Variants in EML1 observed in about 807,000 individuals in gnomAD.
EML1 encodes the protein EMAP like 1.
Under a neutral mutation model 110.4 loss-of-function variants are expected in EML1, and 27 were observed. That is an observed-to-expected ratio of 0.24 (90% CI 0.18 to 0.34). EML1 has a LOEUF of 0.34. Among genes scored for constraint, EML1 ranks in the 10% least tolerant of loss-of-function variants. The probability of loss-of-function intolerance (pLI) is 1.00; values close to 1 mark genes in which losing one functional copy is unlikely to be tolerated. For missense variants in EML1, 741 were observed against 1,030.9 expected, an observed-to-expected ratio of 0.72 and a Z score of 3.85; for synonymous variants, 344 against 385.8, an observed-to-expected ratio of 0.89 and a Z score of 1.27.
chr14:99,741,078 G>A (rs1160674288), intron 1 of EML1, among the ~76,000 whole-genome samples: 1 of 152,226 alleles, frequency 6.6e-6, no homozygotes, highest in East Asian at 1.9e-4. Context: ...GTCCATCAGA[G>A]ACCAGGGTTC....
upstream of EML1, among the ~76,000 whole-genome samples, chr14:99,771,270 T>C (rs113152003): frequency 9.5e-4 from 144 of 152,322 alleles, 1 homozygote; most frequent in African/African-American, 3.1e-3. Context: ...GGGCAACCAT[T>C]AATCTACTTC....
In EML1 at chr14:99,922,464, A is replaced by T. The variant is rs557738886; in HGVS notation, c.1909+1587A>T. 2.7e-3 allele frequency among the ~76,000 whole-genome samples: 416 copies of T among 152,148 alleles called. 3 individuals are homozygous for T. The highest frequency in any genetic ancestry group is 9.5e-3 in the African/African-American group (396 of 41,500). On this transcript the variant is annotated intron_variant, in intron 17 of 21. Transcript: ENST00000262233. ...GTTTTTTATTATTATTAATAATGCT[A>T]TGAACATTCATGTATATGCCTTTTT...
At chr14:99,843,023 G>A (rs1026739810) in intron 1 of EML1, among the ~76,000 whole-genome samples, 23 of 152,172 alleles carry the variant, frequency 1.5e-4, no homozygotes, top group Non-Finnish European at 3.2e-4. Flanking sequence ...AGACGCTGAG[G>A]CAGGATAATC....
chr14:99,854,539 G>C (rs145146355), intron 2 of EML1, among the ~76,000 whole-genome samples: 148 of 152,228 alleles, frequency 9.7e-4, no homozygotes, highest in Non-Finnish European at 1.7e-3. Flanking sequence ...AGTTACCCAG[G>C]TCTTCTTTCC....
upstream of EML1, among the ~76,000 whole-genome samples, chr14:99,770,017 T>C (rs1465468213): frequency 6.6e-6 from 1 of 152,184 alleles, no homozygotes; most frequent in Non-Finnish European, 1.5e-5. Context: ...TTTACTTTGC[T>C]CACTTTGCTT....
At chr14:99,929,007 G>A (rs1375930319) in intron 17 of EML1, among the ~76,000 whole-genome samples, 1 of 152,208 alleles carries the variant, frequency 6.6e-6, no homozygotes, top group Non-Finnish European at 1.5e-5. Flanking sequence ...GAAGGCACGA[G>A]GGCCTCATCT....
chr14:99,873,113 G>A (rs2059232355), intron 3 of EML1, among the ~76,000 whole-genome samples: 1 of 152,182 alleles, frequency 6.6e-6, no homozygotes, highest in South Asian at 2.1e-4. Flanking sequence ...GTGGGGATGC[G>A]GAGGCTGACA....
At chr14:99,815,755 G>A (rs1387492730) in intron 1 of EML1, among the ~76,000 whole-genome samples, 1 of 152,082 alleles carries the variant, frequency 6.6e-6, no homozygotes, top group African/African-American at 2.4e-5. Context: ...TGAGCTAAGG[G>A]GATTTTTAGG....
chr14:99,917,984 A>G, intron 16 of EML1, 135 bp downstream of exon 16: 1 of 855,388 alleles, frequency 1.2e-6, no homozygotes, highest in Non-Finnish European at 1.8e-6. Flanking sequence ...ACCAAGAATT[A>G]AGTTAAAAGC....
At chr14:99,901,942 T>C (rs1241946723) in intron 9 of EML1, among the ~76,000 whole-genome samples, 1 of 152,126 alleles carries the variant, frequency 6.6e-6, no homozygotes, top group East Asian at 1.9e-4. Context: ...TCCCCTCCCT[T>C]TTATAAGAGA....
In EML1 at chr14:99,910,232, C is replaced by T; in HGVS notation, c.1240-10C>T. The T allele has an allele frequency of 6.3e-7, 1 of 1,586,298 alleles. No individual in the cohort carries two copies. The highest frequency in any genetic ancestry group is 8.6e-7 in the Non-Finnish European group (1 of 1,164,592). On this transcript the variant is annotated splice_polypyrimidine_tract_variant and intron_variant, in intron 11 of 21. Coordinates refer to ENST00000262233, the MANE Select transcript of EML1 (RefSeq NM_004434.3). ...AAATATATATATAATTTTTTTACTA[C>T]ATTCTACAGAAACAAGAAAAGCCAA...
chr14:99,914,398 T>C, intron 14 of EML1, 94 bp downstream of exon 14: 1 of 1,552,994 alleles, frequency 6.4e-7, no homozygotes, highest in Admixed American at 1.9e-5. Context: ...TATACTACGA[T>C]AACCTTCCTC....
intron 12 of EML1, 149 bp downstream of exon 12, chr14:99,910,490 T>A: frequency 1.7e-6 from 1 of 604,036 alleles, no homozygotes; most frequent in Non-Finnish European, 2.8e-6. Context: ...TGTGTGCATG[T>A]GTAACTTGAA....
intron 1 of EML1, chr14:99,737,911 G>A: frequency 7.8e-7 from 1 of 1,283,850 alleles, no homozygotes; most frequent in Non-Finnish European, 1.0e-6. Flanking sequence ...GCAGAGCCAA[G>A]GCCGCCAGTC....
chr14:99,791,447 A>G (rs1595283985), upstream of EML1, among the ~76,000 whole-genome samples: 1 of 152,108 alleles, frequency 6.6e-6, no homozygotes, highest in Admixed American at 6.5e-5. Flanking sequence ...TCAAGGCTGT[A>G]CCCCAGCCCC....
At chr14:99,918,190 AG>A (rs896019525) in intron 16 of EML1, among the ~76,000 whole-genome samples, 13 of 152,188 alleles carry the variant, frequency 8.5e-5, no homozygotes, top group African/African-American at 3.1e-4. Flanking sequence ...TGCAGCCTCC[AG>A]GGCTTAAGTG....
intron 1 of EML1, among the ~76,000 whole-genome samples, chr14:99,810,776 T>C (rs1234614698): frequency 6.6e-6 from 1 of 152,224 alleles, no homozygotes; most frequent in Non-Finnish European, 1.5e-5. Flanking sequence ...GTGACTATAG[T>C]TAATAATAAC....
chr14:99,795,320 A>T (rs2057750088), intron 1 of EML1, among the ~76,000 whole-genome samples: 1 of 152,244 alleles, frequency 6.6e-6, no homozygotes, highest in Non-Finnish European at 1.5e-5. Context: ...GGTGATGTCC[A>T]GAAGAAAGTA....
intron 4 of EML1, among the ~76,000 whole-genome samples, chr14:99,890,146 C>A (rs867365966): frequency 2.6e-5 from 4 of 152,162 alleles, no homozygotes; most frequent in African/African-American, 4.8e-5. Flanking sequence ...CACACACACA[C>A]AAAATGCATA....
Sources: gnomAD v4.1 joint callset for allele counts (sites outside exome capture counted in the v4.1 genomes callset) on GRCh38, gnomAD v4.1.1 for gene constraint, MANE v1.5 for transcripts, NCBI Gene and HGNC (gene_info 2026-07-23, HGNC 2026-07-21) for gene names.